Variants in PTGES3L observed in about 807,000 individuals in gnomAD.
The protein encoded by PTGES3L is prostaglandin E synthase 3 like.
In PTGES3L, 17 loss-of-function variants were observed where a neutral mutation model predicts 25.0. The observed-to-expected ratio is 0.68, with a 90% CI of 0.47 to 1.02. The LOEUF is 1.02. Among genes scored for constraint, PTGES3L ranks in the 50% least tolerant of loss-of-function variants. PTGES3L has a pLI of 0.00. For missense variants in PTGES3L, 202 were observed against 197.5 expected (o/e 1.02, Z -0.14); for synonymous variants, 59 against 65.7 (o/e 0.90, Z 0.50).
chr17:42,977,692 A>AAAGAAAG, intron 4 of PTGES3L, among the ~76,000 whole-genome samples: 1 of 136,488 alleles, frequency 7.3e-6, no homozygotes, highest in South Asian at 2.5e-4. Context: ...AGAAAGAAAG[A>AAAGAAAG]AAAGAAAGAA....
chr17:42,971,834 T>TTTAATGAGACGGC, intron 4 of PTGES3L, 138 bp from the exon 5 acceptor site: 1 of 704,282 alleles, frequency 1.4e-6, no homozygotes, highest in Non-Finnish European at 2.4e-6. Flanking sequence ...TGCACTCCTT[T>TTTAATGAGACGGC]GACCAGGAAC....
At chr17:42,974,013 T>A (rs1191762133) in intron 4 of PTGES3L, among the ~76,000 whole-genome samples, 12 of 124,364 alleles carry the variant, frequency 9.6e-5, no homozygotes, top group Admixed American at 2.5e-4. Flanking sequence ...TAAAAAAAAA[T>A]AAAAATAAAA....
intron 1 of PTGES3L, 67 bp downstream of exon 1, chr17:42,979,979 G>A: frequency 2.7e-6 from 4 of 1,499,084 alleles, no homozygotes; most frequent in Non-Finnish European, 3.6e-6. Flanking sequence ...GGAGCGCCCA[G>A]AAGACTTGGA....
At chr17:42,972,336 C>T (rs1322524339) in intron 4 of PTGES3L, among the ~76,000 whole-genome samples, 1 of 149,674 alleles carries the variant, frequency 6.7e-6, no homozygotes, top group Non-Finnish European at 1.5e-5. Flanking sequence ...TCCCCCTCCC[C>T]CTCCCCATGG....
At chr17:42,970,455 C>A in intron 5 of PTGES3L, 113 bp from the exon 6 acceptor site, 7 of 1,116,568 alleles carry the variant, frequency 6.3e-6, no homozygotes, top group South Asian at 1.5e-5. Context: ...GCAACTGCTC[C>A]CATCTTTAAA....
At chr17:42,973,285 G>T (rs1455980677) in intron 4 of PTGES3L, among the ~76,000 whole-genome samples, 3 of 135,842 alleles carry the variant, frequency 2.2e-5, no homozygotes, top group African/African-American at 8.0e-5. Context: ...CGTCCGGGAG[G>T]TGAGGGGCGC....
At chr17:42,978,800 AG>A (rs2050013259) in intron 4 of PTGES3L, among the ~76,000 whole-genome samples, 1 of 152,180 alleles carries the variant, frequency 6.6e-6, no homozygotes, top group Non-Finnish European at 1.5e-5. Flanking sequence ...CGGGAGTTCG[AG>A]ACCAGCCTGA....
intron 4 of PTGES3L, among the ~76,000 whole-genome samples, chr17:42,977,507 T>C (rs1297618708): frequency 7.4e-6 from 1 of 134,766 alleles, no homozygotes; most frequent in African/African-American, 2.8e-5. Flanking sequence ...AGGAGGCTGA[T>C]GAAGGAGAAT....
intron 4 of PTGES3L, chr17:42,972,187 CAAAAAAAAAAAAAA>C (rs10598383): frequency 3.6e-5 from 2 of 55,018 alleles, no homozygotes; most frequent in African/African-American, 5.6e-5. Context: ...GACTGCATCT[CAAAAAAAAAAAAAA>C]AAAAAAAAAG....
chr17:42,972,119 C>T (rs1448035315), intron 4 of PTGES3L: 5 of 155,606 alleles, frequency 3.2e-5, no homozygotes, highest in South Asian at 1.4e-4. Context: ...GCCTGGGAGG[C>T]GGAGGTCGCA....
rs2050030815 is a variant in PTGES3L, at chr17:42,979,414, G to T, written c.153C>A (p.Tyr51Ter). Residue 51 changes from tyrosine to a stop codon, truncating the protein, a stop_gained, in exon 3 of 7, where the codon TAC becomes TAA. Transcript: ENST00000591916. LOFTEE classifies it high-confidence loss of function. ...CTTTGGCATAGAACTCAATCTCATTGTACAACTCCACTCCATCGGCATTCT... is the reference window on the plus strand; with the variant it reads ...CTTTGGCATAGAACTCAATCTCATTTTACAACTCCACTCCATCGGCATTCT... ...SCKNADGVEL[Y>*]NEIEFYAKVN... is the part of the protein sequence containing the mutation. 6.2e-7 allele frequency: 1 copy of T among 1,613,964 alleles called. No individual in the cohort carries two copies. The highest frequency in any genetic ancestry group is 1.3e-5 in the African/African-American group (1 of 74,882).
At chr17:42,972,973 T>C (rs1329185579) in intron 4 of PTGES3L, among the ~76,000 whole-genome samples, 5 of 135,216 alleles carry the variant, frequency 3.7e-5, no homozygotes, top group Admixed American at 1.5e-4. Context: ...TCTGCCCCGC[T>C]GCCCCATCTG....
intron 4 of PTGES3L, among the ~76,000 whole-genome samples, chr17:42,978,222 T>C (rs541141609): frequency 6.0e-5 from 9 of 149,544 alleles, no homozygotes; most frequent in Non-Finnish European, 1.0e-4. Flanking sequence ...GCCTGACCAA[T>C]ATGGTGAAAC....
At chr17:42,976,739 C>G (rs1409076110) in intron 4 of PTGES3L, among the ~76,000 whole-genome samples, 1 of 152,154 alleles carries the variant, frequency 6.6e-6, no homozygotes, top group Non-Finnish European at 1.5e-5. Context: ...ATCCAGCCAT[C>G]AGGCAGTCAG....
At chr17:42,975,106 A>G (rs1336524751) in intron 4 of PTGES3L, among the ~76,000 whole-genome samples, 1 of 139,768 alleles carries the variant, frequency 7.2e-6, no homozygotes, top group Non-Finnish European at 1.5e-5. Flanking sequence ...ACTGTACTCC[A>G]GCCTGAGTAA....
At chr17:42,973,192 G>T (rs1311258267) in intron 4 of PTGES3L, among the ~76,000 whole-genome samples, 3 of 54,406 alleles carry the variant, frequency 5.5e-5, no homozygotes, top group South Asian at 6.6e-4. Flanking sequence ...GAGGGAGGTG[G>T]GGGGGGGTCA....
rs756187025 is a variant in PTGES3L, at chr17:42,971,687, G to GC, written c.297dup (p.Leu100AlafsTer6). On this transcript the variant is annotated frameshift_variant, in exon 5 of 7. Transcript: ENST00000591916. LOFTEE classifies it high-confidence loss of function. ...CTCCAGTTATCAAAGTCCACAGACA[G>GC]CCACACTGGCTGCAAGAAGAGGCAC... The GC allele has an allele frequency of 2.5e-6, 4 of 1,614,034 alleles. No homozygotes were observed. Among genetic ancestry groups the GC allele is most frequent in the Non-Finnish European group, 3.4e-6 (4 of 1,179,972 alleles).
At chr17:42,976,527 C>A (rs577810597) in intron 4 of PTGES3L, among the ~76,000 whole-genome samples, 1 of 152,164 alleles carries the variant, frequency 6.6e-6, no homozygotes, top group African/African-American at 2.4e-5. Context: ...TACAGACATG[C>A]GCCACCACAC....
At chr17:42,971,508 A>C (rs2049835878) in intron 5 of PTGES3L, 99 bp downstream of exon 5, 3 of 1,332,972 alleles carry the variant, frequency 2.3e-6, no homozygotes, top group Non-Finnish European at 3.2e-6. Flanking sequence ...GAGCTTGCAT[A>C]TCTCTGCTTG....
Sources: gnomAD v4.1 joint callset for allele counts (sites outside exome capture counted in the v4.1 genomes callset) on GRCh38, gnomAD v4.1.1 for gene constraint, MANE v1.5 for transcripts, NCBI Gene and HGNC (gene_info 2026-07-23, HGNC 2026-07-21) for gene names.